The following DMXL2 variants were observed in gnomAD, a reference collection of about 807,000 sequenced individuals.
DMXL2 encodes the protein Dmx like 2.
In DMXL2, 103 loss-of-function variants were observed where a neutral mutation model predicts 331.1. The observed-to-expected ratio is 0.31, with a 90% CI of 0.27 to 0.37. The LOEUF is 0.37. Among genes scored for constraint, DMXL2 ranks in the 10% least tolerant of loss-of-function variants. The probability of loss-of-function intolerance (pLI) is 1.00; values close to 1 mark genes in which losing one functional copy is unlikely to be tolerated. For missense variants in DMXL2, 3,171 were observed against 3,642.9 expected (o/e 0.87, Z 3.33); for synonymous variants, 1,281 against 1,252.1 (o/e 1.02, Z -0.49).
rs1037244492 is a variant in DMXL2 at position 51,499,417 on chromosome 15, A to G, written c.3807T>C (p.His1269=). 1.9e-6 allele frequency: 3 copies of G among 1,613,886 alleles called. No individual in the cohort carries two copies. The African/African-American group carries it at 4.0e-5, about 22-fold the overall frequency. The change falls in exon 18 of 44, where the codon CAT becomes CAC. Residue 1269 remains histidine, a synonymous_variant. Coordinates refer to ENST00000560891, the MANE Select transcript of DMXL2 (RefSeq NM_001378457.1). ...ILVVGMDCEM[H]VYAQWKHAVK... is the part of the protein sequence containing the mutation. ...CAGCATGCTTCCACTGTGCATATAC[A>G]TGCATTTCACAATCCATTCCTACCA...
chr15:51,500,294 G>C (rs1010401229), intron 17 of DMXL2, 63 bp from the exon 18 acceptor site: 10 of 1,440,236 alleles, frequency 6.9e-6, no homozygotes, highest in Non-Finnish European at 9.3e-6. Context: ...TAATATGGTA[G>C]TAATCAAATT....
intron 9 of DMXL2, among the ~76,000 whole-genome samples, chr15:51,539,378 T>C (rs937431719): frequency 2.0e-5 from 3 of 152,188 alleles, no homozygotes; most frequent in Non-Finnish European, 4.4e-5. Context: ...CTTTTCTCAG[T>C]GTTTGAAACT....
chr15:51,596,992 A>C (rs1476232167), intron 1 of DMXL2, among the ~76,000 whole-genome samples: 1 of 152,160 alleles, frequency 6.6e-6, no homozygotes, highest in East Asian at 1.9e-4. Flanking sequence ...TGATGGGTGC[A>C]GCACACCAAC....
At chr15:51,452,476 CAACA>C (rs922791803) in intron 41 of DMXL2, among the ~76,000 whole-genome samples, 8 of 151,822 alleles carry the variant, frequency 5.3e-5, no homozygotes, top group Non-Finnish European at 1.2e-4. Context: ...TACAAATGGC[CAACA>C]AACAGGAAAA....
intron 32 of DMXL2, 129 bp downstream of exon 32, chr15:51,464,546 T>C (rs1164099203): frequency 2.9e-6 from 2 of 681,774 alleles, no homozygotes; most frequent in East Asian, 5.5e-5. Context: ...TTCTTAAGCG[T>C]ATTCTGCTAA....
At chr15:51,489,455 G>C (rs543260255) in intron 20 of DMXL2, among the ~76,000 whole-genome samples, 1 of 152,186 alleles carries the variant, frequency 6.6e-6, no homozygotes, top group Non-Finnish European at 1.5e-5. Context: ...TCAGGAGTTC[G>C]AGGGCAGTCT....
chr15:51,535,317 A>G (rs970702583), intron 13 of DMXL2, among the ~76,000 whole-genome samples: 7 of 152,190 alleles, frequency 4.6e-5, no homozygotes, highest in East Asian at 1.9e-4. Context: ...CAACCTAAAC[A>G]TACAGCTTGG....
chr15:51,618,145 C>G (rs2054402048), intron 1 of DMXL2, among the ~76,000 whole-genome samples: 1 of 152,092 alleles, frequency 6.6e-6, no homozygotes, highest in African/African-American at 2.4e-5. Flanking sequence ...CCCTTGATTC[C>G]CCTGGCCAAA....
Position 51,481,611 on chromosome 15 carries a change from G to T in DMXL2, c.5495C>A (p.Ser1832Tyr). ...AAAACTAAATGCCACCGGGTTACAA[G>T]ACTTGATGATAACTATAGAAATCAA... ...EDDEHQVIIK[S>Y]CNPVAFSFYN... Residue 1832 changes from serine to tyrosine, a missense_variant, in exon 24 of 44, where the codon TCT (serine) becomes TAT (tyrosine). By Grantham distance (144) the Ser-to-Tyr change is moderately radical (BLOSUM62 -2). Around this residue, in one of 7 missense-constraint regions of DMXL2, gnomAD observed 244 missense variants for 251.4 expected, o/e 0.97. Transcript: ENST00000560891. 1 of 1,552,412 alleles carries T rather than the reference G, an allele frequency of 6.4e-7. No homozygotes were observed. The highest frequency in any genetic ancestry group is 8.7e-7 in the Non-Finnish European group (1 of 1,153,208).
At chr15:51,546,048 G>A (rs966908893) in intron 7 of DMXL2, among the ~76,000 whole-genome samples, 10 of 152,042 alleles carry the variant, frequency 6.6e-5, no homozygotes, top group African/African-American at 2.4e-4. Flanking sequence ...AACAGCAAAA[G>A]AAAACCTAAT....
At chr15:51,453,926 A>G (rs189672861) in intron 40 of DMXL2, 1 of 264,870 alleles carries the variant, frequency 3.8e-6, no homozygotes, top group African/African-American at 2.3e-5. Context: ...ACATGAACCT[A>G]CCTAAGACCC....
rs1180511932 is a variant in DMXL2 at position 51,576,168 on chromosome 15, C to G, written c.101G>C (p.Gly34Ala). The G allele has an allele frequency of 1.0e-6, 1 of 956,580 alleles. No individual in the cohort carries two copies. 59.3% of individuals were successfully genotyped at this position (956,580 alleles called of 1,614,324 possible). A position where few individuals can be genotyped will look rare whatever the true frequency, so the allele number is the denominator to read the frequency against. Residue 34 changes from glycine (G) to alanine (A), a missense_variant, in exon 2 of 44, where the codon GGC becomes GCC. By Grantham distance (60) the Gly-to-Ala change is moderately conservative. Around this residue, in one of 7 missense-constraint regions of DMXL2, gnomAD observed 1,674 missense variants for 1,780.2 expected, o/e 0.94. Coordinates refer to ENST00000560891, the MANE Select transcript of DMXL2 (RefSeq NM_001378457.1). ...ATTTGCCAAAATAACAATATCACAG[C>G]CTGATCCATATGCCTAAAAAAAAAA... is the stretch of plus-strand genomic sequence containing the variant. Reference protein sequence around the residue: ...GDVPFTAYGSGCDIVILANDF... With the variant: ...GDVPFTAYGSACDIVILANDF...
In DMXL2 at chr15:51,471,216, T is replaced by G. The variant is rs764572727; in HGVS notation, c.7392+7A>C. 6.2e-7 allele frequency: 1 copy of G among 1,612,902 alleles called. No individual in the cohort carries two copies. Among genetic ancestry groups the G allele is most frequent in the Non-Finnish European group, 8.5e-7 (1 of 1,179,182 alleles). On this transcript the variant is annotated splice_region_variant and intron_variant, in intron 29 of 43. Transcript: ENST00000560891. ...CTCTTAAAGCTTGCATTCCTCACACTCCTTACCTTTGCAACAAAATAATCC... is the reference window on the plus strand; with the variant it reads ...CTCTTAAAGCTTGCATTCCTCACACGCCTTACCTTTGCAACAAAATAATCC...
chr15:51,591,279 G>A (rs2052302601), intron 1 of DMXL2, among the ~76,000 whole-genome samples: 1 of 152,216 alleles, frequency 6.6e-6, no homozygotes, highest in African/African-American at 2.4e-5. Flanking sequence ...CACACCAGGA[G>A]ATTATATCCC....
At chr15:51,478,446 A>G (rs1869133500) in intron 25 of DMXL2, 99 bp from the exon 26 acceptor site, 1 of 1,010,592 alleles carries the variant, frequency 9.9e-7, no homozygotes, top group Non-Finnish European at 1.5e-6. Flanking sequence ...TAGCAACATC[A>G]TAAATAAGAC....
At chr15:51,560,710 T>C (rs1393773057) in intron 6 of DMXL2, among the ~76,000 whole-genome samples, 6 of 150,136 alleles carry the variant, frequency 4.0e-5, no homozygotes, top group African/African-American at 1.5e-4. Context: ...AAACACAAAC[T>C]CTGTTAAGTT....
At chr15:51,503,067 T>G (rs1233090943) in intron 16 of DMXL2, 34 bp from the exon 17 acceptor site, 3 of 1,333,622 alleles carry the variant, frequency 2.2e-6, no homozygotes, top group African/African-American at 3.0e-5. Context: ...ACAAAATGTA[T>G]GTATATCATT....
At chr15:51,569,954 CAGA>C (rs1248937340) in intron 2 of DMXL2, among the ~76,000 whole-genome samples, 5 of 152,036 alleles carry the variant, frequency 3.3e-5, no homozygotes, top group African/African-American at 1.2e-4. Flanking sequence ...GACAAACTGA[CAGA>C]AGTAGGCTTC....
Position 51,481,067 on chromosome 15 carries a change from C to T in DMXL2, c.6039G>A (p.Lys2013=). 6.2e-7 allele frequency: 1 copy of T among 1,613,970 alleles called. No individual in the cohort carries two copies. Among genetic ancestry groups the T allele is most frequent in the Non-Finnish European group, 8.5e-7 (1 of 1,179,914 alleles). Residue 2013 remains lysine (K), a synonymous_variant, in exon 24 of 44, where the codon AAG becomes AAA. Transcript: ENST00000560891. ...AREKDKQSDQ[K]ASDPNMLLTP... ...TTAATAACATGTTAGGGTCTGAGGC[C>T]TTCTGATCTGATTGTTTATCTTTTT...
Sources: gnomAD v4.1 joint callset for allele counts (sites outside exome capture counted in the v4.1 genomes callset) on GRCh38, gnomAD v4.1.1 for gene constraint, gnomAD v4.1.1 regional missense constraint, MANE v1.5 for transcripts, NCBI Gene and HGNC (gene_info 2026-07-23, HGNC 2026-07-21) for gene names.